Variants in LEPR observed in about 807,000 individuals in gnomAD.
LEPR encodes OB receptor.
In LEPR, 56 loss-of-function variants were observed where a neutral mutation model predicts 114.7. That is an observed-to-expected ratio of 0.49 (90% CI 0.39 to 0.61). LEPR has a LOEUF of 0.61. Among genes scored for constraint, LEPR ranks in the 20% least tolerant of loss-of-function variants. The pLI is 0.00. For synonymous variants in LEPR, 443 were observed against 461.4 expected (o/e 0.96, Z 0.51); for missense variants, 1,202 against 1,352.9 (o/e 0.89, Z 1.75).
Position 65,484,192 on chromosome 1 carries a change from C to T in LEPR, c.-21+58814C>T, listed in dbSNP as rs554580660. On this transcript the variant is annotated intron_variant, in intron 2 of 19. Transcript: ENST00000349533. ...TTTATTGTGTGTTTGTATCCGTCCA[C>T]TAGGCTACTATTGCGATACCCCTAG... is the stretch of plus-strand genomic sequence containing the variant. Among the ~76,000 whole-genome samples the T allele has an allele frequency of 2.0e-5, 3 of 152,150 alleles. No homozygotes were observed. In the East Asian group the frequency reaches 5.8e-4, roughly 29 times the overall value.
intron 2 of LEPR, among the ~76,000 whole-genome samples, chr1:65,494,501 C>T (rs1005796272): frequency 2.0e-5 from 3 of 152,122 alleles, no homozygotes; most frequent in Admixed American, 6.6e-5. Context: ...CCTCCACTAG[C>T]ATGTACCCCA....
chr1:65,454,412 G>A (rs545045686), intron 2 of LEPR, among the ~76,000 whole-genome samples: 23 of 152,086 alleles, frequency 1.5e-4, no homozygotes, highest in African/African-American at 4.6e-4. Flanking sequence ...ATTTTGCAGC[G>A]GCTGGTACCG....
Position 65,572,307 on chromosome 1 carries a change from T to TG in LEPR, c.371-19_371-18insG. ...ATGTAGTTGTTTTTTTTTTTTTTTT[T>TG]TTTTTTTTTTAAATTCAGATGCAAA... On this transcript the variant is annotated intron_variant, in intron 4 of 19. Transcript: ENST00000349533. 1 of 1,452,262 alleles carries TG rather than the reference T, an allele frequency of 6.9e-7. No homozygotes were observed. Among genetic ancestry groups the TG allele is most frequent in the Non-Finnish European group, 9.0e-7 (1 of 1,105,114 alleles). The allele number at this position is 1,452,262 out of a possible 1,614,324, so 90.0% of individuals were successfully genotyped here.
intron 2 of LEPR, among the ~76,000 whole-genome samples, chr1:65,456,196 G>T (rs1343656714): frequency 6.6e-6 from 1 of 152,044 alleles, no homozygotes; most frequent in African/African-American, 2.4e-5. Flanking sequence ...ACTCCCTAGT[G>T]AGATGAACCT....
chr1:65,527,382 C>A (rs1305734876), intron 2 of LEPR, among the ~76,000 whole-genome samples: 1 of 152,186 alleles, frequency 6.6e-6, no homozygotes, highest in Non-Finnish European at 1.5e-5. Context: ...AATGGACACA[C>A]GCACACACAA....
At chr1:65,438,617 G>C (rs773570574) in intron 2 of LEPR, among the ~76,000 whole-genome samples, 5 of 151,630 alleles carry the variant, frequency 3.3e-5, no homozygotes, top group Admixed American at 6.6e-5. Flanking sequence ...TAATACAGTG[G>C]GTATAGATTC....
chr1:65,472,465 A>G (rs921625120), intron 2 of LEPR, among the ~76,000 whole-genome samples: 4 of 112,870 alleles, frequency 3.5e-5, no homozygotes, highest in Non-Finnish European at 5.6e-5. Flanking sequence ...TATATAATAT[A>G]TATATAATAT....
At chr1:65,437,864 G>C (rs1190456724) in intron 2 of LEPR, among the ~76,000 whole-genome samples, 1 of 115,200 alleles carries the variant, frequency 8.7e-6, no homozygotes, top group Non-Finnish European at 1.8e-5. Flanking sequence ...AGGCTAGAGT[G>C]CAGTGGCAAG....
At chr1:65,510,769 C>T (rs1335082953) in intron 2 of LEPR, among the ~76,000 whole-genome samples, 1 of 152,130 alleles carries the variant, frequency 6.6e-6, no homozygotes, top group Non-Finnish European at 1.5e-5. Flanking sequence ...TGAGTTGGTA[C>T]CACTGGGAAA....
At chr1:65,616,861 T>C (rs1254068742) in intron 15 of LEPR, among the ~76,000 whole-genome samples, 1 of 152,178 alleles carries the variant, frequency 6.6e-6, no homozygotes, top group Non-Finnish European at 1.5e-5. Context: ...TCTCTACCAA[T>C]CTATAAAGGC....
intron 2 of LEPR, among the ~76,000 whole-genome samples, chr1:65,462,811 C>G (rs1182605010): frequency 2.0e-5 from 3 of 152,120 alleles, no homozygotes; most frequent in Non-Finnish European, 4.4e-5. Flanking sequence ...TGAGAAATGT[C>G]TGTTTATATC....
intron 5 of LEPR, among the ~76,000 whole-genome samples, chr1:65,575,315 A>G (rs1293819202): frequency 1.4e-5 from 2 of 147,146 alleles, no homozygotes; most frequent in Admixed American, 6.7e-5. Context: ...ATGGCAGTCA[A>G]TAGCTTAACC....
At chr1:65,581,747 G>T (rs567412300) in intron 5 of LEPR, among the ~76,000 whole-genome samples, 1 of 152,236 alleles carries the variant, frequency 6.6e-6, no homozygotes, top group East Asian at 1.9e-4. Context: ...TTTCTTCAAT[G>T]TATATCTCTC....
At chr1:65,487,920 T>G (rs993710932) in intron 2 of LEPR, among the ~76,000 whole-genome samples, 2 of 151,894 alleles carry the variant, frequency 1.3e-5, no homozygotes, top group Middle Eastern at 6.8e-3. Flanking sequence ...TTTTCGTCTT[T>G]CTTTTCTGTT....
chr1:65,440,648 C>T (rs111549500), intron 2 of LEPR, among the ~76,000 whole-genome samples: 1 of 152,016 alleles, frequency 6.6e-6, no homozygotes, highest in Non-Finnish European at 1.5e-5. Flanking sequence ...TGAGCTGGAG[C>T]GTACCTGTGA....
At chr1:65,541,203 TTAAAG>T (rs750496007) in intron 2 of LEPR, among the ~76,000 whole-genome samples, 1 of 152,234 alleles carries the variant, frequency 6.6e-6, no homozygotes, top group African/African-American at 2.4e-5. Context: ...ATGTTATTTC[TTAAAG>T]TAAATAAATT....
intron 2 of LEPR, among the ~76,000 whole-genome samples, chr1:65,508,122 T>C (rs980426232): frequency 2.6e-5 from 4 of 152,208 alleles, no homozygotes; most frequent in African/African-American, 9.6e-5. Context: ...TAAAATACTT[T>C]TTCCCAGTTT....
chr1:65,466,731 C>G (rs1452082171), intron 2 of LEPR, among the ~76,000 whole-genome samples: 1 of 152,132 alleles, frequency 6.6e-6, no homozygotes, highest in African/African-American at 2.4e-5. Flanking sequence ...TTTCTTTTTA[C>G]TCTTTTTTCT....
chr1:65,604,724 A>G (rs1457380682), intron 10 of LEPR, among the ~76,000 whole-genome samples: 3 of 152,210 alleles, frequency 2.0e-5, no homozygotes, highest in Non-Finnish European at 4.4e-5. Flanking sequence ...AGAGAGCAGC[A>G]TTACCACCTG....
Sources: allele counts gnomAD v4.1 joint callset (sites outside exome capture counted in the v4.1 genomes callset), GRCh38; gene constraint gnomAD v4.1.1; transcripts MANE v1.5; gene names NCBI Gene and HGNC (gene_info 2026-07-23, HGNC 2026-07-21).